TCF23: variants seen among roughly 807,000 people sequenced by gnomAD.
The protein encoded by TCF23 is transcription factor 23, also known as class A basic helix-loop-helix protein 24.
In TCF23, 7 loss-of-function variants were observed where a neutral mutation model predicts 13.0. That is an observed-to-expected ratio of 0.54 (90% confidence interval 0.31 to 1.01). TCF23 has a LOEUF of 1.01. Among genes scored for constraint, TCF23 ranks in the 50% least tolerant of loss-of-function variants. The pLI is 0.06. For synonymous variants in TCF23, 122 were observed against 119.5 expected, an observed-to-expected ratio of 1.02 and a Z score of -0.14; for missense variants, 257 against 289.8, an observed-to-expected ratio of 0.89 and a Z score of 0.82.
At position 27,149,763 on chromosome 2, in the gene TCF23, G is replaced by A. The variant is rs1213243490; in HGVS notation, c.223-360G>A. On this transcript the variant is annotated intron_variant, in intron 1 of 2. Coordinates refer to ENST00000296096, the MANE Select transcript of TCF23 (RefSeq NM_175769.3). ...TCAAGGGTCCGCCCTCCCAAACAGG[G>A]TGTAGCTCTGAACTCCCCCTGGCCC... 8.2e-6 allele frequency: 5 copies of A among 612,258 alleles called. No homozygotes were observed. The Admixed American group carries it at 1.1e-4, about 13-fold the overall frequency. The allele number at this position is 612,258 out of a possible 1,614,324, so 37.9% of individuals were successfully genotyped here.
Position 27,150,357 on chromosome 2 carries a change from C to T in TCF23, c.457C>T (p.Pro153Ser). The change falls in exon 2 of 3, where the codon CCT (proline) becomes TCT (serine). Residue 153 changes from proline (P) to serine (S), a missense_variant. By Grantham distance (74) the Pro-to-Ser change is moderately conservative (BLOSUM62 -1). Coordinates refer to ENST00000296096, the MANE Select transcript of TCF23 (RefSeq NM_175769.3). This position sits in a 1 kb window ranked among gnomAD's most constrained non-coding sequence, Gnocchi z 4.1. ...PFLRGLRYLH[P>S]LKKWPMRSRL... is the part of the protein sequence containing the mutation. ...CCTGCGTGGACTCCGCTACTTGCAC[C>T]CTCTCAAGGTAAGTCACAAGCCCTG... is the stretch of plus-strand genomic sequence containing the variant. 7 of 1,612,740 alleles carry T rather than the reference C, an allele frequency of 4.3e-6. No individual in the cohort carries two copies. The highest frequency in any genetic ancestry group is 2.2e-5 in the East Asian group (1 of 44,846).
Position 27,155,666 on chromosome 2 carries a change from A to G in TCF23, c.*2799A>G, listed in dbSNP as rs1672825797. 1 of 151,820 alleles carries G rather than the reference A, an allele frequency of 6.6e-6. No homozygotes were observed. Among genetic ancestry groups the G allele is most frequent in the African/African-American group, 2.4e-5 (1 of 41,264 alleles). The allele number at this position is 151,820 out of a possible 1,614,324, so 9.4% of individuals were successfully genotyped here. On this transcript the variant is annotated 3_prime_UTR_variant, in exon 3 of 3. Transcript: ENST00000296096. ...GGCAGGAGAATTGCTTGAACCTAGG[A>G]GGCGGAGGTTGCAGTGAGCCAAGAT...
rs1672800275 is a variant in TCF23, at chr2:27,153,870, C to T, written c.*1003C>T. 1 of 152,232 alleles carries T rather than the reference C, an allele frequency of 6.6e-6. No homozygotes were observed. Among genetic ancestry groups the T allele is most frequent in the Non-Finnish European group, 1.5e-5 (1 of 68,048 alleles). The allele number at this position is 152,232 out of a possible 1,614,324, so 9.4% of individuals were successfully genotyped here. A position where few individuals can be genotyped will look rare whatever the true frequency, so the allele number is the denominator to read the frequency against. ...TGAAGGATATTGACAGAATCAATTA[C>T]ATCCTTGAAGGACCTTAAGAGAAGA... On this transcript the variant is annotated 3_prime_UTR_variant, in exon 3 of 3. Coordinates refer to ENST00000296096, the MANE Select transcript of TCF23 (RefSeq NM_175769.3).
Position 27,156,544 on chromosome 2 carries a change from AT to A in TCF23, c.*3692del, listed in dbSNP as rs759423403. 3,352 of 140,646 alleles carry A rather than the reference AT, an allele frequency of 0.024. 97 individuals are homozygous for A. Among genetic ancestry groups the A allele is most frequent in the African/African-American group, 0.071 (2,731 of 38,684 alleles). 8.7% of individuals were successfully genotyped at this position (140,646 alleles called of 1,614,324 possible). A position where few individuals can be genotyped will look rare whatever the true frequency, so the allele number is the denominator to read the frequency against. On this transcript the variant is annotated 3_prime_UTR_variant, in exon 3 of 3. Coordinates refer to ENST00000296096, the MANE Select transcript of TCF23 (RefSeq NM_175769.3). ...AGGCACCCGCCAACACGCCCGGCTAATTTTTTTTTTTTTTTGTATTTTTAGT... is the reference window on the plus strand; with the variant it reads ...AGGCACCCGCCAACACGCCCGGCTAATTTTTTTTTTTTTTGTATTTTTAGT...
At position 27,150,071 on chromosome 2, in the gene TCF23, C is replaced by A; in HGVS notation, c.223-52C>A. 6.4e-7 allele frequency: 1 copy of A among 1,564,870 alleles called. No homozygotes were observed. The highest frequency in any genetic ancestry group is 8.6e-7 in the Non-Finnish European group (1 of 1,157,464). On this transcript the variant is annotated intron_variant, in intron 1 of 2. Coordinates refer to ENST00000296096, the MANE Select transcript of TCF23 (RefSeq NM_175769.3). The surrounding 1 kb of genome is among the most constrained non-coding windows in gnomAD (Gnocchi z 4.1). ...CTTGTGCTCAAACGCTCTCAGAAGT[C>A]AGGGCAGTTGGGAGTCCAGGTCACA...
rs111812514 is a variant in TCF23 at position 27,153,508 on chromosome 2, C to CTCTTTTCTTT, written c.*659_*668dup. 0.064 allele frequency: 9,594 copies of CTCTTTTCTTT among 150,494 alleles called. 469 individuals are homozygous for CTCTTTTCTTT. Among genetic ancestry groups the CTCTTTTCTTT allele is most frequent in the East Asian group, 0.17 (841 of 5,028 alleles). The allele number at this position is 150,494 out of a possible 1,614,324, so 9.3% of individuals were successfully genotyped here. On this transcript the variant is annotated 3_prime_UTR_variant, in exon 3 of 3. Transcript: ENST00000296096. ...CCCTCTCGGCTCCTGCACTCTTCCA[C>CTCTTTTCTTT]TCTTTTCTTTTCTTTTCTTTTCTTT...
intron 2 of TCF23, among the ~76,000 whole-genome samples, chr2:27,152,328 T>C (rs775968616): frequency 2.0e-5 from 3 of 152,248 alleles, no homozygotes; most frequent in East Asian, 1.9e-4. Context: ...GGGCAAACCT[T>C]GGAGGACCCA....
Position 27,149,030 on chromosome 2 carries a change from A to T in TCF23, c.-104A>T. The T allele has an allele frequency of 1.8e-6, 2 of 1,115,810 alleles. No individual in the cohort carries two copies. The allele number at this position is 1,115,810 out of a possible 1,614,324, so 69.1% of individuals were successfully genotyped here. The stretch of plus-strand genomic sequence containing the variant: ...AGTTGGCGCCAGCTTCCTCGGATGT[A>T]GATATTGCTGGCTGGATGACCAGCC... On this transcript the variant is annotated 5_prime_UTR_variant, in exon 1 of 3. It removes the in-frame stop codon of an upstream open reading frame in the 5' UTR. Coordinates refer to ENST00000296096, the MANE Select transcript of TCF23 (RefSeq NM_175769.3).
chr2:27,155,967 C>G lies in TCF23; in HGVS notation c.*3100C>G, dbSNP rs1281560856. On this transcript the variant is annotated 3_prime_UTR_variant, in exon 3 of 3. Coordinates refer to ENST00000296096, the MANE Select transcript of TCF23 (RefSeq NM_175769.3). ...GGTGGAGGTGGGGAACAAGACTTCC[C>G]TGCTGGCTCCCTCCACAGAGCATGT... The G allele has an allele frequency of 6.6e-6, 1 of 152,198 alleles. No individual in the cohort carries two copies. The highest frequency in any genetic ancestry group is 1.9e-4 in the East Asian group (1 of 5,172). The allele number at this position is 152,198 out of a possible 1,614,324, so 9.4% of individuals were successfully genotyped here. A position where few individuals can be genotyped will look rare whatever the true frequency, so the allele number is the denominator to read the frequency against.
Position 27,150,008 on chromosome 2 carries a change from T to G in TCF23, c.223-115T>G. On this transcript the variant is annotated intron_variant, in intron 1 of 2. Transcript: ENST00000296096. The surrounding 1 kb of genome is among the most constrained non-coding windows in gnomAD (Gnocchi z 4.1). ...ACGTAGGTGGGCAGAGGCCCTCTGG[T>G]GCCTACTGCTAGACACCCTTCTACT... is the stretch of plus-strand genomic sequence containing the variant. 6.8e-7 allele frequency: 1 copy of G among 1,481,422 alleles called. No homozygotes were observed. Among genetic ancestry groups the G allele is most frequent in the Non-Finnish European group, 9.0e-7 (1 of 1,105,844 alleles). The allele number at this position is 1,481,422 out of a possible 1,614,324, so 91.8% of individuals were successfully genotyped here.
Position 27,150,444 on chromosome 2 carries a change from A to C in TCF23, c.465+79A>C. On this transcript the variant is annotated intron_variant, in intron 2 of 2. Coordinates refer to ENST00000296096, the MANE Select transcript of TCF23 (RefSeq NM_175769.3). The surrounding 1 kb of genome is among the most constrained non-coding windows in gnomAD (Gnocchi z 4.1). ...GAGAAAGGGATTGGAATGAGGGGGG[A>C]CATTGGACTTGGGCCCCCTGCCCTG... 6.4e-7 allele frequency: 1 copy of C among 1,567,556 alleles called. No homozygotes were observed. The highest frequency in any genetic ancestry group is 8.7e-7 in the Non-Finnish European group (1 of 1,150,978).
intron 1 of TCF23, chr2:27,149,780 C>A (rs1192730597): frequency 1.6e-6 from 1 of 631,918 alleles, no homozygotes. Flanking sequence ...TCTGAACTCC[C>A]CCTGGCCCCA....
chr2:27,149,429 T>C (rs1572358186), intron 1 of TCF23, 74 bp downstream of exon 1: 2 of 1,360,684 alleles, frequency 1.5e-6, no homozygotes, highest in South Asian at 1.3e-5. Flanking sequence ...TCACCTCTGA[T>C]GGTACAGCCT....
Position 27,150,095 on chromosome 2 carries a change from C to A in TCF23, c.223-28C>A. Reference sequence around the variant, plus strand: ...TCAGGGCAGTTGGGAGTCCAGGTCACACACACTCACTGGGGCCCTCTGTGC... The same window carrying A: ...TCAGGGCAGTTGGGAGTCCAGGTCAAACACACTCACTGGGGCCCTCTGTGC... On this transcript the variant is annotated intron_variant, in intron 1 of 2. Transcript: ENST00000296096. This position sits in a 1 kb window ranked among gnomAD's most constrained non-coding sequence, Gnocchi z 4.1. 6.3e-7 allele frequency: 1 copy of A among 1,582,632 alleles called. No homozygotes were observed. The highest frequency in any genetic ancestry group is 1.1e-5 in the South Asian group (1 of 90,010).
At position 27,152,919 on chromosome 2, in the gene TCF23, G is replaced by A; in HGVS notation, c.*52G>A. 1 of 1,561,764 alleles carries A rather than the reference G, an allele frequency of 6.4e-7. No individual in the cohort carries two copies. Among genetic ancestry groups the A allele is most frequent in the Non-Finnish European group, 8.7e-7 (1 of 1,151,300 alleles). On this transcript the variant is annotated 3_prime_UTR_variant, in exon 3 of 3. Transcript: ENST00000296096. ...ACTGTGACTCATGCTTATGGGCCTG[G>A]ATTTTCTACCAGCCCCCAGATTCTC...
Position 27,153,140 on chromosome 2 carries a change from C to T in TCF23, c.*273C>T. On this transcript the variant is annotated 3_prime_UTR_variant, in exon 3 of 3. Transcript: ENST00000296096. ...TGGGAGAGAAAGAGGTATAATTGGG[C>T]TCAAAGTTGAGGTAGGGAACCACCC... 1.6e-6 allele frequency: 1 copy of T among 623,942 alleles called. No homozygotes were observed. The highest frequency in any genetic ancestry group is 2.3e-6 in the Non-Finnish European group (1 of 444,066). 38.7% of individuals were successfully genotyped at this position (623,942 alleles called of 1,614,324 possible).
Position 27,150,647 on chromosome 2 carries a change from G to A in TCF23, c.465+282G>A, listed in dbSNP as rs1558487728. 6.6e-6 allele frequency among the ~76,000 whole-genome samples: 1 copy of A among 152,044 alleles called. No individual in the cohort carries two copies. The highest frequency in any genetic ancestry group is 2.4e-5 in the African/African-American group (1 of 41,414). Reference sequence around the variant, plus strand: ...ACTCTGGGGTTCTTAGAGTCACAGGGAAAAATGTAGCAGGTTCCAAGTCTG... The same window carrying A: ...ACTCTGGGGTTCTTAGAGTCACAGGAAAAAATGTAGCAGGTTCCAAGTCTG... On this transcript the variant is annotated intron_variant, in intron 2 of 2. Coordinates refer to ENST00000296096, the MANE Select transcript of TCF23 (RefSeq NM_175769.3). The surrounding 1 kb of genome is among the most constrained non-coding windows in gnomAD (Gnocchi z 4.1).
Position 27,152,860 on chromosome 2 carries a change from A to C in TCF23, c.638A>C (p.Asp213Ala). Residue 213 changes from aspartate (D) to alanine (A), a missense_variant, in exon 3 of 3, where the codon GAC (aspartate) becomes GCC (alanine). By Grantham distance (126) the Asp-to-Ala change is moderately radical. Coordinates refer to ENST00000296096, the MANE Select transcript of TCF23 (RefSeq NM_175769.3). ...STTPLSPALGDK is the reference protein window; with the variant it reads ...STTPLSPALGAK ...ACACCACTCTCACCAGCTCTTGGTG[A>C]CAAATAATTATCACACTCGCCCTTT... 6.2e-7 allele frequency: 1 copy of C among 1,613,324 alleles called. No individual in the cohort carries two copies.
chr2:27,152,785 C>G lies in TCF23; in HGVS notation c.563C>G (p.Ala188Gly). The change falls in exon 3 of 3, where the codon GCA becomes GGA. Residue 188 changes from alanine (A) to glycine (G), a missense_variant. Coordinates refer to ENST00000296096, the MANE Select transcript of TCF23 (RefSeq NM_175769.3). ...ASTPSQRTRDAEVGSQVPGEA... is the reference protein window; with the variant it reads ...ASTPSQRTRDGEVGSQVPGEA... ...ACCCCCAGCCAAAGAACAAGAGATG[C>G]AGAGGTGGGGTCCCAAGTCCCTGGA... The G allele has an allele frequency of 6.2e-7, 1 of 1,614,192 alleles. No individual in the cohort carries two copies. The highest frequency in any genetic ancestry group is 8.5e-7 in the Non-Finnish European group (1 of 1,180,040).
Sources: allele counts gnomAD v4.1 joint callset (sites outside exome capture counted in the v4.1 genomes callset), GRCh38; gene constraint gnomAD v4.1.1; non-coding constraint Gnocchi (gnomAD v3.1); transcripts MANE v1.5; gene names NCBI Gene and HGNC (gene_info 2026-07-23, HGNC 2026-07-21).